Variants in LDLRAD4 observed in about 807,000 individuals in gnomAD.
LDLRAD4 encodes low-density lipoprotein receptor class A domain-containing protein 4.
LDLRAD4 carries 5 observed loss-of-function variants against 17.0 expected under a neutral mutation model. The ratio of observed to expected loss-of-function variants is 0.29; its 90% CI spans 0.15 to 0.62. The LOEUF (loss-of-function observed/expected upper bound fraction) is 0.62, where lower values mean the gene tolerates loss of function less well. LDLRAD4 is among the 20% of genes least tolerant of loss of function. LDLRAD4 has a pLI of 0.84. For missense variants in LDLRAD4, 340 were observed against 424.7 expected (o/e 0.80, Z 1.75); for synonymous variants, 168 against 171.8 (o/e 0.98, Z 0.17).
intron 2 of LDLRAD4, among the ~76,000 whole-genome samples, chr18:13,408,163 T>C (rs8086671): frequency 0.62 from 94,568 of 151,832 alleles, 29,623 homozygotes; most frequent in African/African-American, 0.66. Context: ...CACTTGAGGC[T>C]GGGAGTTCGA....
At chr18:13,283,542 C>T (rs748674225) in intron 1 of LDLRAD4, among the ~76,000 whole-genome samples, 15 of 152,246 alleles carry the variant, frequency 9.9e-5, no homozygotes, top group Non-Finnish European at 2.1e-4. Context: ...ACAAGTTCCT[C>T]ATCTCTGTCT....
chr18:13,458,918 C>T (rs762804443), intron 3 of LDLRAD4, among the ~76,000 whole-genome samples: 3 of 152,206 alleles, frequency 2.0e-5, no homozygotes, highest in Non-Finnish European at 4.4e-5. Context: ...CAAATATTCT[C>T]CCCTAGAGCT....
In LDLRAD4 at chr18:13,440,311, G is replaced by T. The variant is rs1418384621; in HGVS notation, c.181+1927G>T. On this transcript the variant is annotated intron_variant, in intron 3 of 5. Coordinates refer to ENST00000359446, the Ensembl canonical transcript of LDLRAD4. The surrounding 1 kb of genome is among the most constrained non-coding windows in gnomAD (Gnocchi z 4.4). ...TCCCTTTCTTGTCAGTATTCTTTCCGGTTTTTGAGGCCTATCTCCAGATCG... is the reference window on the plus strand; with the variant it reads ...TCCCTTTCTTGTCAGTATTCTTTCCTGTTTTTGAGGCCTATCTCCAGATCG... Among the ~76,000 whole-genome samples, 1 of 151,964 alleles carries T rather than the reference G, an allele frequency of 6.6e-6. No homozygotes were observed. The highest frequency in any genetic ancestry group is 1.5e-5 in the Non-Finnish European group (1 of 67,982).
At chr18:13,637,294 T>A (rs9946864) in intron 4 of LDLRAD4, among the ~76,000 whole-genome samples, 4 of 152,060 alleles carry the variant, frequency 2.6e-5, no homozygotes, top group African/African-American at 9.7e-5. Flanking sequence ...AGATAGTCTT[T>A]ATGCAGTGGC....
intron 5 of LDLRAD4, among the ~76,000 whole-genome samples, 157 bp downstream of exon 6, chr18:13,643,569 G>A (rs893032635): frequency 8.5e-5 from 13 of 152,324 alleles, no homozygotes; most frequent in African/African-American, 3.1e-4. Flanking sequence ...GGTCAAAAGC[G>A]GGAGGGGACT....
rs1240512028 is a variant in LDLRAD4 at position 13,440,435 on chromosome 18, G to GCTC, written c.181+2051_181+2052insCTC. 6.6e-6 allele frequency among the ~76,000 whole-genome samples: 1 copy of GCTC among 152,156 alleles called. No homozygotes were observed. Among genetic ancestry groups the GCTC allele is most frequent in the African/African-American group, 2.4e-5 (1 of 41,432 alleles). ...GTGGCTCAACTTTGCCCTAACAGAGGAGTCTTACGATCCTGTTGGCAAACT... is the reference window on the plus strand; with the variant it reads ...GTGGCTCAACTTTGCCCTAACAGAGGCTCAGTCTTACGATCCTGTTGGCAAACT... On this transcript the variant is annotated intron_variant, in intron 3 of 5. Coordinates refer to ENST00000359446, the Ensembl canonical transcript of LDLRAD4. The surrounding 1 kb of genome is among the most constrained non-coding windows in gnomAD (Gnocchi z 4.4).
chr18:13,346,333 T>C (rs2082685152), intron 1 of LDLRAD4, among the ~76,000 whole-genome samples: 1 of 152,260 alleles, frequency 6.6e-6, no homozygotes, highest in Non-Finnish European at 1.5e-5. Context: ...CATTTTGTTA[T>C]GTACCCAGTA....
intron 3 of LDLRAD4, among the ~76,000 whole-genome samples, chr18:13,596,137 T>A (rs943093601): frequency 1.3e-5 from 2 of 152,206 alleles, no homozygotes; most frequent in Non-Finnish European, 2.9e-5. Flanking sequence ...TTATTATCCC[T>A]TGTAACTTTT....
intron 3 of LDLRAD4, among the ~76,000 whole-genome samples, chr18:13,478,858 G>A (rs574658058): frequency 2.0e-5 from 3 of 152,298 alleles, no homozygotes; most frequent in East Asian, 1.9e-4. Context: ...GAGAAATGAC[G>A]CTGCCTGCCT....
At chr18:13,363,428 G>T (rs1023427803) in intron 1 of LDLRAD4, among the ~76,000 whole-genome samples, 5 of 151,956 alleles carry the variant, frequency 3.3e-5, no homozygotes, top group Non-Finnish European at 7.4e-5. Flanking sequence ...AGGCTGCGCC[G>T]GGGAAAGGGA....
chr18:13,327,254 G>A (rs1174056985), intron 1 of LDLRAD4, among the ~76,000 whole-genome samples: 1 of 152,080 alleles, frequency 6.6e-6, no homozygotes, highest in Admixed American at 6.5e-5. Flanking sequence ...ATGAACTTGT[G>A]AATCCTTCCC....
chr18:13,247,651 A>G (rs1479976043), intron 1 of LDLRAD4, among the ~76,000 whole-genome samples: 1 of 152,120 alleles, frequency 6.6e-6, no homozygotes, highest in African/African-American at 2.4e-5. Flanking sequence ...TGAGGGGCCC[A>G]GCCCTGGCAG....
rs567598066 is a variant in LDLRAD4, at chr18:13,642,958, C to T, written c.337-401C>T. On this transcript the variant is annotated intron_variant, in intron 4 of 5. Transcript: ENST00000359446. The stretch of plus-strand genomic sequence containing the variant: ...TTTTTTTTCTTCTGTTTTTTTGATA[C>T]GGAGTCTCACTCTGTCGCCCAGGCT... Among the ~76,000 whole-genome samples the T allele has an allele frequency of 8.3e-4, 120 of 144,976 alleles. 1 individual carries two copies. Among genetic ancestry groups the T allele is most frequent in the African/African-American group, 3.0e-3 (116 of 38,870 alleles).
chr18:13,467,546 A>G (rs1012948421), intron 3 of LDLRAD4, among the ~76,000 whole-genome samples: 9 of 152,272 alleles, frequency 5.9e-5, no homozygotes, highest in Non-Finnish European at 1.2e-4. Context: ...AAGAAGACTT[A>G]GTATAGCTAA....
At chr18:13,503,569 T>C (rs748287897) in intron 3 of LDLRAD4, among the ~76,000 whole-genome samples, 59 of 152,190 alleles carry the variant, frequency 3.9e-4, no homozygotes, top group Admixed American at 2.0e-4. Flanking sequence ...GCTTCCTTGC[T>C]GTGCAGGAGA....
chr18:13,229,609 G>A (rs1305514809), intron 1 of LDLRAD4, among the ~76,000 whole-genome samples: 1 of 152,206 alleles, frequency 6.6e-6, no homozygotes, highest in Non-Finnish European at 1.5e-5. Context: ...TTACAATCAC[G>A]TCTTGAACTA....
intron 1 of LDLRAD4, among the ~76,000 whole-genome samples, chr18:13,222,415 G>A (rs771209528): frequency 2.6e-5 from 4 of 151,944 alleles, no homozygotes; most frequent in African/African-American, 4.8e-5. Context: ...AAAAAGAGAA[G>A]CATTTACGAA....
At chr18:13,250,334 A>G (rs1418887466) in intron 1 of LDLRAD4, among the ~76,000 whole-genome samples, 3 of 151,472 alleles carry the variant, frequency 2.0e-5, no homozygotes, top group South Asian at 2.1e-4. Flanking sequence ...TTTTTTTCCT[A>G]TTTCTGTGAA....
intron 3 of LDLRAD4, among the ~76,000 whole-genome samples, chr18:13,475,120 C>T (rs564520682): frequency 1.3e-5 from 2 of 152,318 alleles, no homozygotes; most frequent in South Asian, 4.1e-4. Flanking sequence ...AGACAGGAGC[C>T]TCAAGGGTGC....
Sources: gnomAD v4.1 joint callset for allele counts (sites outside exome capture counted in the v4.1 genomes callset) on GRCh38, gnomAD v4.1.1 for gene constraint, Gnocchi (gnomAD v3.1) non-coding constraint, MANE v1.5 for transcripts, NCBI Gene and HGNC (gene_info 2026-07-23, HGNC 2026-07-21) for gene names.